ERCC4: variants seen among roughly 807,000 people sequenced by gnomAD.
ERCC4 encodes the protein DNA repair endonuclease XPF.
A neutral mutation model predicts 76.9 loss-of-function variants in ERCC4; 65 were observed. The observed-to-expected ratio is 0.84, with a 90% CI of 0.69 to 1.04. The LOEUF is 1.04. ERCC4 is among the 50% of genes least tolerant of loss of function. The pLI is 0.00. For missense variants in ERCC4, 1,214 were observed against 1,128.2 expected, an observed-to-expected ratio of 1.08 and a Z score of -1.09; for synonymous variants, 463 against 410.1, an observed-to-expected ratio of 1.13 and a Z score of -1.56.
chr16:13,944,842 C>A lies in ERCC4; in HGVS notation c.2017+7C>A, dbSNP rs753306150. On this transcript the variant is annotated splice_region_variant and intron_variant, in intron 10 of 10. Coordinates refer to ENST00000311895, the MANE Select transcript of ERCC4 (RefSeq NM_005236.3). The stretch of plus-strand genomic sequence containing the variant: ...ACTGACACTCGGAAAGCCGGTGAGT[C>A]CTGCACTTTGTCAGGCACCTCCATT... 5.1e-6 allele frequency: 8 copies of A among 1,574,262 alleles called. No individual in the cohort carries two copies. Among genetic ancestry groups the A allele is most frequent in the Non-Finnish European group, 7.0e-6 (8 of 1,143,926 alleles).
rs946038939 is a variant in ERCC4 at position 13,950,492 on chromosome 16, G to A, written c.*2145G>A. 1.6e-5 allele frequency: 3 copies of A among 192,652 alleles called. No homozygotes were observed. Among genetic ancestry groups the A allele is most frequent in the African/African-American group, 4.6e-5 (2 of 43,082 alleles). The allele number at this position is 192,652 out of a possible 1,614,324, so 11.9% of individuals were successfully genotyped here. On this transcript the variant is annotated 3_prime_UTR_variant, in exon 11 of 11. Coordinates refer to ENST00000311895, the MANE Select transcript of ERCC4 (RefSeq NM_005236.3). ...AGTTTAAGATGGAATAAAGATTTGG[G>A]CTGCTAATTTTTTCCCAGGATTCAA...
chr16:13,920,289 G>A lies in ERCC4; in HGVS notation c.124G>A (p.Asp42Asn), dbSNP rs767138486. The A allele has an allele frequency of 1.1e-5, 18 of 1,604,766 alleles. No individual in the cohort carries two copies. The highest frequency in any genetic ancestry group is 2.7e-5 in the African/African-American group (2 of 74,928). Residue 42 changes from aspartate to asparagine, a missense_variant, in exon 1 of 11, where the codon GAC (aspartate) becomes AAC (asparagine). Physicochemically the swap from Asp to Asn is conservative, Grantham distance 23 (BLOSUM62 1). Transcript: ENST00000311895. Reference sequence around the variant, plus strand: ...AGTGTGCGCCCGCGGGCTCGGCGCGGACCGGCTCCTCTACCACTTTCTCCA... The same window carrying A: ...AGTGTGCGCCCGCGGGCTCGGCGCGAACCGGCTCCTCTACCACTTTCTCCA... ...LVVCARGLGA[D>N]RLLYHFLQLH...
chr16:13,944,613 C>G (rs41540912), intron 9 of ERCC4, 110 bp from the exon 10 acceptor site: 46 of 750,774 alleles, frequency 6.1e-5, no homozygotes, highest in Non-Finnish European at 4.8e-5. Flanking sequence ...TTTTGTTTTT[C>G]TCTTACTGCT....
chr16:13,946,673 C>G (rs1332391285), intron 10 of ERCC4, among the ~76,000 whole-genome samples: 1 of 152,220 alleles, frequency 6.6e-6, no homozygotes, highest in Non-Finnish European at 1.5e-5. Flanking sequence ...TTAGCATCAC[C>G]TGGCATTTTG....
At position 13,948,023 on chromosome 16, in the gene ERCC4, G is replaced by A. The variant is rs2020960; in HGVS notation, c.2427G>A (p.Thr809=). 82 of 1,614,084 alleles carry A rather than the reference G, an allele frequency of 5.1e-5. No homozygotes were observed. The highest frequency in any genetic ancestry group is 4.1e-4 in the African/African-American group (31 of 74,996). Residue 809 remains threonine (T), a synonymous_variant, in exon 11 of 11, where the codon ACG becomes ACA. Coordinates refer to ENST00000311895, the MANE Select transcript of ERCC4 (RefSeq NM_005236.3). ...TCTGGTGCCCCTCTCCTCATGCAAC[G>A]GCGGAGTTGTTTGAGGAGCTGAAAC... ...RILWCPSPHA[T]AELFEELKQS...
chr16:13,928,524 C>G (rs892549806), intron 4 of ERCC4, among the ~76,000 whole-genome samples: 2 of 152,084 alleles, frequency 1.3e-5, no homozygotes, highest in Non-Finnish European at 2.9e-5. Flanking sequence ...TTTGAAATGA[C>G]AACACTTGGA....
rs897608261 is a variant in ERCC4 at position 13,932,496 on chromosome 16, C to T, written c.1102+211C>T. ...ATGTATGTCGAAGTATACAGCATGG[C>T]AAGTCTTGCAGTCTATTGCCCAGGG... On this transcript the variant is annotated intron_variant, in intron 6 of 10. Coordinates refer to ENST00000311895, the MANE Select transcript of ERCC4 (RefSeq NM_005236.3). 4.0e-5 allele frequency: 24 copies of T among 600,654 alleles called. No individual in the cohort carries two copies. The African/African-American group carries it at 4.1e-4, about 10-fold the overall frequency. The allele number at this position is 600,654 out of a possible 1,614,324, so 37.2% of individuals were successfully genotyped here.
At chr16:13,942,538 A>C (rs1447091710) in intron 9 of ERCC4, among the ~76,000 whole-genome samples, 1 of 152,242 alleles carries the variant, frequency 6.6e-6, no homozygotes, top group Non-Finnish European at 1.5e-5. Context: ...ACTAGGTGCC[A>C]GGCACTGTTC....
Position 13,944,778 on chromosome 16 carries a change from T to G in ERCC4, c.1960T>G (p.Leu654Val), listed in dbSNP as rs892310767. 1 of 1,614,070 alleles carries G rather than the reference T, an allele frequency of 6.2e-7. No homozygotes were observed. The highest frequency in any genetic ancestry group is 1.3e-5 in the African/African-American group (1 of 75,040). The stretch of plus-strand genomic sequence containing the variant: ...AAGAGAAGGCAGAGATGAAACAAAC[T>G]TAGACCTAGTAAGAGGCACAGCATC... ...EEREGRDETN[L>V]DLVRGTASAD... The change falls in exon 10 of 11, where the codon TTA (leucine) becomes GTA (valine). Residue 654 changes from leucine to valine, a missense_variant. Leu to Val is a conservative substitution (Grantham distance 32). Transcript: ENST00000311895.
intron 1 of ERCC4, 150 bp from the exon 2 acceptor site, chr16:13,921,881 T>C: frequency 3.2e-6 from 2 of 615,812 alleles, no homozygotes; most frequent in Admixed American, 2.9e-5. Flanking sequence ...ACTGGTTGGC[T>C]GAAGTTACTA....
Position 13,949,825 on chromosome 16 carries a change from TA to T in ERCC4, c.*1479del. ...AAATTTTCTACCTCAGGAGCTGATA[TA>T]GACATCAGTTCTGCTAGCCATATCA... On this transcript the variant is annotated 3_prime_UTR_variant, in exon 11 of 11. Coordinates refer to ENST00000311895, the MANE Select transcript of ERCC4 (RefSeq NM_005236.3). 1 of 232,480 alleles carries T rather than the reference TA, an allele frequency of 4.3e-6. No individual in the cohort carries two copies. The highest frequency in any genetic ancestry group is 6.1e-5 in the East Asian group (1 of 16,406). 14.4% of individuals were successfully genotyped at this position (232,480 alleles called of 1,614,324 possible).
At chr16:13,931,832 A>G (rs2032177578) in intron 5 of ERCC4, 1 of 271,876 alleles carries the variant, frequency 3.7e-6, no homozygotes, top group Non-Finnish European at 6.9e-6. Context: ...ACAACATTGC[A>G]AATATTAAAA....
At chr16:13,932,906 C>T (rs560908040) in intron 6 of ERCC4, 70 of 217,446 alleles carry the variant, frequency 3.2e-4, no homozygotes, top group Non-Finnish European at 5.7e-4. Context: ...ATTAGCCAGG[C>T]GTGGTGGCGG....
Position 13,950,856 on chromosome 16 carries a change from C to T in ERCC4, c.*2509C>T, listed in dbSNP as rs2032617007. On this transcript the variant is annotated 3_prime_UTR_variant, in exon 11 of 11. Coordinates refer to ENST00000311895, the MANE Select transcript of ERCC4 (RefSeq NM_005236.3). Reference sequence around the variant, plus strand: ...AAGGTCTTCCTAAAGCTACCATTTTCAACCGTCCTTGTTATCTAGTACAAC... The same window carrying T: ...AAGGTCTTCCTAAAGCTACCATTTTTAACCGTCCTTGTTATCTAGTACAAC... 2 of 198,776 alleles carry T rather than the reference C, an allele frequency of 1.0e-5. No homozygotes were observed. The highest frequency in any genetic ancestry group is 1.0e-5 in the Non-Finnish European group (1 of 96,110). The allele number at this position is 198,776 out of a possible 1,614,324, so 12.3% of individuals were successfully genotyped here.
chr16:13,937,335 T>C (rs1344619924), intron 8 of ERCC4, among the ~76,000 whole-genome samples: 1 of 152,182 alleles, frequency 6.6e-6, no homozygotes, highest in Non-Finnish European at 1.5e-5. Flanking sequence ...TGTATTCTGT[T>C]AAGACATGAA....
Position 13,944,807 on chromosome 16 carries a change from A to C in ERCC4, c.1989A>C (p.Ala663=), listed in dbSNP as rs747151321. 6.2e-7 allele frequency: 1 copy of C among 1,613,392 alleles called. No homozygotes were observed. The highest frequency in any genetic ancestry group is 8.5e-7 in the Non-Finnish European group (1 of 1,179,286). ...NLDLVRGTAS[A]DVSTDTRKAG... ...ACCTAGTAAGAGGCACAGCATCTGC[A>C]GATGTTTCCACTGACACTCGGAAAG... is the stretch of plus-strand genomic sequence containing the variant. The change falls in exon 10 of 11, where the codon GCA becomes GCC. Residue 663 remains alanine (A), a synonymous_variant. Transcript: ENST00000311895.
At chr16:13,945,154 C>T (rs557599113) in intron 10 of ERCC4, among the ~76,000 whole-genome samples, 69 of 152,312 alleles carry the variant, frequency 4.5e-4, no homozygotes, top group Non-Finnish European at 8.2e-4. Context: ...TGCAAATAAA[C>T]TTTGTTAAAC....
At chr16:13,929,561 A>G (rs2032133258) in intron 4 of ERCC4, among the ~76,000 whole-genome samples, 1 of 152,260 alleles carries the variant, frequency 6.6e-6, no homozygotes, top group Non-Finnish European at 1.5e-5. Context: ...CCTAAAAAGT[A>G]ACAGAATCAG....
At chr16:13,940,383 T>C (rs3136184) in intron 9 of ERCC4, among the ~76,000 whole-genome samples, 10,113 of 145,886 alleles carry the variant, frequency 0.069, 1,127 homozygotes, top group African/African-American at 0.24. Flanking sequence ...GTGACCCCCG[T>C]CTCAAAAAAA....
Sources: gnomAD v4.1 joint callset for allele counts (sites outside exome capture counted in the v4.1 genomes callset) on GRCh38, gnomAD v4.1.1 for gene constraint, MANE v1.5 for transcripts, NCBI Gene and HGNC (gene_info 2026-07-23, HGNC 2026-07-21) for gene names.